Variants in AFTPH observed in about 807,000 individuals in gnomAD.
AFTPH encodes aftiphilin protein.
A neutral mutation model predicts 72.5 loss-of-function variants in AFTPH; 7 were observed. That is an observed-to-expected ratio of 0.10 (90% CI 0.05 to 0.18). AFTPH has a LOEUF of 0.18. Among genes scored for constraint, AFTPH ranks in the 10% least tolerant of loss-of-function variants. AFTPH has a pLI of 1.00. For synonymous variants in AFTPH, 337 were observed against 370.1 expected (o/e 0.91, Z 1.03); for missense variants, 979 against 1,060.5 (o/e 0.92, Z 1.07).
intron 7 of AFTPH, among the ~76,000 whole-genome samples, chr2:64,581,607 T>C (rs1673206319): frequency 6.6e-6 from 1 of 151,822 alleles, no homozygotes; most frequent in Non-Finnish European, 1.5e-5. Context: ...AAGCATATTC[T>C]ATAAAGCCAT....
At chr2:64,587,936 A>G (rs976572652) in intron 8 of AFTPH, among the ~76,000 whole-genome samples, 9 of 151,684 alleles carry the variant, frequency 5.9e-5, no homozygotes, top group African/African-American at 2.2e-4. Context: ...GGTCAAAGAA[A>G]TTTTATTCTT....
chr2:64,580,990 T>C (rs6742371), intron 7 of AFTPH, 200 bp from the exon 8 acceptor site: 7,758 of 396,570 alleles, frequency 0.02, 515 homozygotes, highest in African/African-American at 0.14. Flanking sequence ...TTGAATTAAA[T>C]TGTTATTTTA....
At chr2:64,581,098 AGT>A (rs1235841834) in intron 7 of AFTPH, 90 bp from the exon 8 acceptor site, 2 of 744,388 alleles carry the variant, frequency 2.7e-6, no homozygotes, top group Non-Finnish European at 4.4e-6. Context: ...TGCATGTTCA[AGT>A]GTGTGTCTTA....
exon 2 of AFTPH, chr2:64,551,537 G>GGAT (rs761179582): frequency 2.7e-5 from 43 of 1,613,590 alleles, no homozygotes; most frequent in Non-Finnish European, 3.3e-5. Flanking sequence ...ATGGAGCAGA[G>GGAT]GATGATGATG....
At chr2:64,532,069 T>C (rs1255254086) in intron 1 of AFTPH, among the ~76,000 whole-genome samples, 1 of 152,218 alleles carries the variant, frequency 6.6e-6, no homozygotes, top group Non-Finnish European at 1.5e-5. Flanking sequence ...ATGGTTCTTA[T>C]GCTCTGAAAG....
At chr2:64,592,941 CTT>C (rs1673908232) in exon 9 of AFTPH, 1 of 152,534 alleles carries the variant, frequency 6.6e-6, no homozygotes. Context: ...TGCCCAAGGT[CTT>C]TTGAAATTTC....
At chr2:64,576,253 A>G (rs1558627149) in intron 6 of AFTPH, among the ~76,000 whole-genome samples, 2 of 151,348 alleles carry the variant, frequency 1.3e-5, no homozygotes, top group African/African-American at 4.8e-5. Flanking sequence ...GCAGGAAGTT[A>G]CATCTTCCTA....
intron 1 of AFTPH, among the ~76,000 whole-genome samples, chr2:64,549,257 T>C (rs903179715): frequency 3.3e-5 from 5 of 151,736 alleles, no homozygotes; most frequent in African/African-American, 1.2e-4. Flanking sequence ...GAAGTATCTG[T>C]TTATTATTTA....
intron 1 of AFTPH, among the ~76,000 whole-genome samples, chr2:64,528,946 A>G (rs543099895): frequency 6.6e-6 from 1 of 152,298 alleles, no homozygotes; most frequent in South Asian, 2.1e-4. Flanking sequence ...TAGGAGTGGA[A>G]TGTAAGAATA....
rs369445790 is a variant in AFTPH at position 64,584,666 on chromosome 2, G to A, written c.2456-756G>A. Among the ~76,000 whole-genome samples, 230 of 141,476 alleles carry A rather than the reference G, an allele frequency of 1.6e-3. 2 individuals carry two copies. In the Middle Eastern group the frequency reaches 0.02, roughly 12 times the overall value. 92.8% of individuals were successfully genotyped at this position (141,476 alleles called of 152,430 possible). A position where few individuals can be genotyped will look rare whatever the true frequency, so the allele number is the denominator to read the frequency against. On this transcript the variant is annotated intron_variant, in intron 7 of 8. Transcript: ENST00000238856. ...GGCTGGAGTGCAGTGGCGTGATCTC[G>A]GCTCACTGCAAGCTCCGCCTTCCGG...
At chr2:64,555,622 C>T (rs1671312820) in intron 2 of AFTPH, among the ~76,000 whole-genome samples, 1 of 151,356 alleles carries the variant, frequency 6.6e-6, no homozygotes, top group South Asian at 2.1e-4. Context: ...ATTTGTTTGG[C>T]TAAGGCCTCA....
intron 1 of AFTPH, among the ~76,000 whole-genome samples, chr2:64,549,439 G>A (rs1240683188): frequency 6.9e-6 from 1 of 144,618 alleles, no homozygotes; most frequent in East Asian, 2.0e-4. Context: ...TCCTGCCTCA[G>A]CTTCCTAAGT....
chr2:64,564,461 G>A (rs2104017505), intron 2 of AFTPH, among the ~76,000 whole-genome samples: 1 of 152,010 alleles, frequency 6.6e-6, no homozygotes, highest in Non-Finnish European at 1.5e-5. Context: ...TATAAATGCA[G>A]AAACTGGGCA....
chr2:64,578,670 GC>G (rs1298157162), intron 6 of AFTPH, among the ~76,000 whole-genome samples: 1 of 151,646 alleles, frequency 6.6e-6, no homozygotes, highest in East Asian at 1.9e-4. Context: ...CAATTCTCCT[GC>G]CTCAGCCTCC....
At chr2:64,571,217 G>C (rs1308516222) in intron 5 of AFTPH, among the ~76,000 whole-genome samples, 1 of 151,446 alleles carries the variant, frequency 6.6e-6, no homozygotes, top group Non-Finnish European at 1.5e-5. Flanking sequence ...ATGTATATAA[G>C]AATCACTTGG....
At chr2:64,569,065 T>C (rs905733575) in intron 3 of AFTPH, 27 bp from the exon 4 acceptor site, 1 of 1,613,684 alleles carries the variant, frequency 6.2e-7, no homozygotes, top group Non-Finnish European at 8.5e-7. Flanking sequence ...TAACCTGTTG[T>C]TGATGGCTTC....
At chr2:64,550,217 A>G (rs1670945660) in intron 1 of AFTPH, among the ~76,000 whole-genome samples, 1 of 152,206 alleles carries the variant, frequency 6.6e-6, no homozygotes. Flanking sequence ...GTACATCTAT[A>G]CAATGGAATG....
Position 64,524,467 on chromosome 2 carries a change from A to G in AFTPH, c.-178A>G, listed in dbSNP as rs560812270. On this transcript the variant is annotated 5_prime_UTR_variant, in exon 1 of 9. The change abolishes an upstream ATG in the 5' untranslated region. Coordinates refer to ENST00000238856, the Ensembl canonical transcript of AFTPH. ...GCGGTGAAACTCCGGGTGGGCGTCC[A>G]TGGTGCTGCTGCGCTGACAGGGCTG... 6 of 402,054 alleles carry G rather than the reference A, an allele frequency of 1.5e-5. No homozygotes were observed. The highest frequency in any genetic ancestry group is 1.1e-4 in the South Asian group (1 of 8,994). 24.9% of individuals were successfully genotyped at this position (402,054 alleles called of 1,614,324 possible).
At chr2:64,577,430 T>G (rs1007290012) in intron 6 of AFTPH, among the ~76,000 whole-genome samples, 4 of 152,228 alleles carry the variant, frequency 2.6e-5, no homozygotes, top group Non-Finnish European at 4.4e-5. Flanking sequence ...TACCCCTGTT[T>G]GAGCAGCTCA....
Sources: allele counts gnomAD v4.1 joint callset (sites outside exome capture counted in the v4.1 genomes callset), GRCh38; gene constraint gnomAD v4.1.1; transcripts MANE v1.5; gene names NCBI Gene and HGNC (gene_info 2026-07-23, HGNC 2026-07-21).